COL25A1: variants seen among roughly 807,000 people sequenced by gnomAD.
COL25A1 encodes the protein collagen alpha-1(XXV) chain.
A neutral mutation model predicts 128.4 loss-of-function variants in COL25A1; 103 were observed. The ratio of observed to expected loss-of-function variants is 0.80; its 90% CI spans 0.68 to 0.94. The LOEUF (loss-of-function observed/expected upper bound fraction) is 0.94, where lower values mean the gene tolerates loss of function less well. Among genes scored for constraint, COL25A1 ranks in the 40% least tolerant of loss-of-function variants. The pLI is 0.00. For missense variants in COL25A1, 745 were observed against 840.0 expected (o/e 0.89, Z 1.40); for synonymous variants, 279 against 277.2 (o/e 1.01, Z -0.06).
chr4:108,816,043 C>T (rs550875534), intron 37 of COL25A1, among the ~76,000 whole-genome samples: 11 of 152,222 alleles, frequency 7.2e-5, no homozygotes, highest in African/African-American at 2.6e-4. Context: ...ATTAAAAATT[C>T]TGTGAACGGG....
chr4:109,056,756 T>G (rs1024010996), intron 3 of COL25A1, among the ~76,000 whole-genome samples: 1 of 152,070 alleles, frequency 6.6e-6, no homozygotes, highest in Non-Finnish European at 1.5e-5. Context: ...AAATGCAAAA[T>G]GTAATGTTCC....
chr4:109,153,338 A>G (rs372672649), intron 3 of COL25A1, among the ~76,000 whole-genome samples: 12 of 149,072 alleles, frequency 8.0e-5, no homozygotes, highest in African/African-American at 2.5e-4. Flanking sequence ...CCAAGACCGC[A>G]CCATTGCACT....
intron 3 of COL25A1, among the ~76,000 whole-genome samples, chr4:109,091,812 G>C (rs28497654): frequency 0.23 from 35,170 of 151,862 alleles, 5,260 homozygotes; most frequent in African/African-American, 0.41. Flanking sequence ...CTGAAATAGG[G>C]CAGGACACAT....
At chr4:108,827,262 CT>C (rs1013890130) in intron 32 of COL25A1, 74 bp from the exon 33 acceptor site, 1 of 1,236,920 alleles carries the variant, frequency 8.1e-7, no homozygotes, top group African/African-American at 1.5e-5. Context: ...TGCCCTATGT[CT>C]AAAGCCTCTA....
intron 3 of COL25A1, among the ~76,000 whole-genome samples, chr4:109,256,153 AAAAGAGTTTACCAT>A (rs143406820): frequency 0.037 from 5,654 of 151,402 alleles, 369 homozygotes; most frequent in African/African-American, 0.13. Flanking sequence ...AGAGAAGAGC[AAAAGAGTTTACCAT>A]ATTGTTTTAA....
intron 3 of COL25A1, among the ~76,000 whole-genome samples, chr4:109,109,113 A>G (rs573833169): frequency 6.9e-6 from 1 of 144,840 alleles, no homozygotes; most frequent in Admixed American, 6.9e-5. Flanking sequence ...CTTTCTTTTG[A>G]CAGAGACTTG....
At chr4:109,219,545 T>C (rs567836138) in intron 3 of COL25A1, among the ~76,000 whole-genome samples, 1 of 149,202 alleles carries the variant, frequency 6.7e-6, no homozygotes, top group African/African-American at 2.6e-5. Flanking sequence ...AATCTCTGTG[T>C]CACCCCCCAC....
At chr4:109,198,294 T>TCTCACACACA (rs147120620) in intron 3 of COL25A1, among the ~76,000 whole-genome samples, 12 of 143,946 alleles carry the variant, frequency 8.3e-5, no homozygotes, top group African/African-American at 3.1e-4. Context: ...GCATATTCAT[T>TCTCACACACA]CACACACACA....
intron 23 of COL25A1, 90 bp downstream of exon 23, chr4:108,860,837 T>A: frequency 9.4e-7 from 1 of 1,060,240 alleles, no homozygotes; most frequent in Non-Finnish European, 1.5e-6. Context: ...GTATTATTAA[T>A]ACAGATGTCA....
chr4:109,175,955 T>A (rs1774054053), intron 3 of COL25A1, among the ~76,000 whole-genome samples: 1 of 152,232 alleles, frequency 6.6e-6, no homozygotes, highest in South Asian at 2.1e-4. Context: ...GTGAAGAATG[T>A]TGTTTGATAC....
At chr4:109,064,170 A>T (rs552361368) in intron 3 of COL25A1, among the ~76,000 whole-genome samples, 8 of 152,206 alleles carry the variant, frequency 5.3e-5, no homozygotes, top group Non-Finnish European at 1.0e-4. Context: ...TAAACAAAAG[A>T]TCCCTCTGCC....
chr4:108,889,272 C>A lies in COL25A1; in HGVS notation c.940-16G>T. 1 of 1,613,398 alleles carries A rather than the reference C, an allele frequency of 6.2e-7. No homozygotes were observed. The highest frequency in any genetic ancestry group is 8.5e-7 in the Non-Finnish European group (1 of 1,179,494). On this transcript the variant is annotated splice_polypyrimidine_tract_variant and intron_variant, in intron 17 of 37. Transcript: ENST00000399132. ...CAGGTTCTCCCTGGCCAAAGAAAACCAAAGATGAAAAACACAGTCTTAAAA... is the reference window on the plus strand; with the variant it reads ...CAGGTTCTCCCTGGCCAAAGAAAACAAAAGATGAAAAACACAGTCTTAAAA...
intron 3 of COL25A1, among the ~76,000 whole-genome samples, chr4:109,225,669 T>C (rs1335964653): frequency 1.3e-5 from 2 of 152,168 alleles, no homozygotes; most frequent in Non-Finnish European, 2.9e-5. Context: ...AGAGCACTAT[T>C]CACAATAGCA....
chr4:109,025,795 CTT>C (rs1298361401), intron 5 of COL25A1, among the ~76,000 whole-genome samples: 2 of 152,168 alleles, frequency 1.3e-5, no homozygotes, highest in Non-Finnish European at 1.5e-5. Context: ...TGTCATCTCT[CTT>C]TGTTACAATA....
chr4:108,815,637 A>G (rs1419885540), intron 37 of COL25A1, among the ~76,000 whole-genome samples: 1 of 152,124 alleles, frequency 6.6e-6, no homozygotes, highest in Non-Finnish European at 1.5e-5. Flanking sequence ...TATTCTGTGG[A>G]AAAAGGAGTA....
chr4:108,939,628 A>C (rs566074851), intron 10 of COL25A1, among the ~76,000 whole-genome samples: 26 of 152,170 alleles, frequency 1.7e-4, no homozygotes, highest in Non-Finnish European at 3.4e-4. Flanking sequence ...TTATTTTCAA[A>C]AGTTTCTGCT....
chr4:109,145,614 G>C (rs1770864341), intron 3 of COL25A1, among the ~76,000 whole-genome samples: 1 of 152,262 alleles, frequency 6.6e-6, no homozygotes, highest in East Asian at 1.9e-4. Flanking sequence ...TGAGGTGGGT[G>C]AATCACCTGA....
At chr4:108,903,626 G>A (rs1743116838) in intron 13 of COL25A1, among the ~76,000 whole-genome samples, 1 of 151,722 alleles carries the variant, frequency 6.6e-6, no homozygotes, top group South Asian at 2.1e-4. Flanking sequence ...TGTTTTATTA[G>A]TCAATGGAAA....
At position 108,990,225 on chromosome 4, in the gene COL25A1, AAAAAAAAAAAAAAAATATATATAT is replaced by A. The variant is rs1298660570; in HGVS notation, c.439-15690_439-15667del. 3.0e-4 allele frequency among the ~76,000 whole-genome samples: 21 copies of A among 68,998 alleles called. 1 individual carries two copies. Among genetic ancestry groups the A allele is most frequent in the Admixed American group, 1.1e-3 (5 of 4,610 alleles). 45.3% of individuals were successfully genotyped at this position (68,998 alleles called of 152,430 possible). On this transcript the variant is annotated intron_variant, in intron 6 of 37. Coordinates refer to ENST00000399132, the MANE Select transcript of COL25A1 (RefSeq NM_198721.4). ...AAAACTCCATCTCAAAAAAAAAAAAAAAAAAAAAAAAAAAATATATATATATATATATATATATATATATATATC... is the reference window on the plus strand; with the variant it reads ...AAAACTCCATCTCAAAAAAAAAAAAAATATATATATATATATATATATATC...
Sources: gnomAD v4.1 joint callset for allele counts (sites outside exome capture counted in the v4.1 genomes callset) on GRCh38, gnomAD v4.1.1 for gene constraint, MANE v1.5 for transcripts, NCBI Gene and HGNC (gene_info 2026-07-23, HGNC 2026-07-21) for gene names.